PIGU: variants seen among roughly 807,000 people sequenced by gnomAD.
The protein encoded by PIGU is GPI-anchor transamidase component PIGU.
In PIGU, 24 loss-of-function variants were observed where a neutral mutation model predicts 49.9. The ratio of observed to expected loss-of-function variants is 0.48; its 90% CI spans 0.35 to 0.68. The LOEUF is 0.68. Ranked by LOEUF, PIGU falls within the 30% of genes least tolerant of loss-of-function variation. PIGU has a pLI of 0.01. For synonymous variants in PIGU, 220 were observed against 205.7 expected (o/e 1.07, Z -0.59); for missense variants, 490 against 532.6 (o/e 0.92, Z 0.79).
intron 7 of PIGU, among the ~76,000 whole-genome samples, chr20:34,604,131 G>A (rs1202601701): frequency 6.6e-6 from 1 of 152,100 alleles, no homozygotes; most frequent in Non-Finnish European, 1.5e-5. Context: ...TGATCCAAGG[G>A]TTATGTGCAC....
intron 2 of PIGU, among the ~76,000 whole-genome samples, chr20:34,650,729 TTTG>T: frequency 1.0e-5 from 1 of 99,902 alleles, no homozygotes; most frequent in Non-Finnish European, 2.0e-5. Flanking sequence ...TTTTTTTTTT[TTTG>T]AGAAGGAGTC....
At chr20:34,618,256 G>A (rs1418823798) in intron 6 of PIGU, among the ~76,000 whole-genome samples, 1 of 152,044 alleles carries the variant, frequency 6.6e-6, no homozygotes, top group Admixed American at 6.6e-5. Context: ...TTAGAAAAAA[G>A]CTAATTTCTT....
chr20:34,615,456 C>T (rs1049146357), intron 7 of PIGU, among the ~76,000 whole-genome samples: 4 of 152,162 alleles, frequency 2.6e-5, no homozygotes, highest in Non-Finnish European at 5.9e-5. Context: ...AAGATAGTTG[C>T]GTTTGCAAAT....
chr20:34,585,770 A>G (rs1442945184), intron 8 of PIGU, among the ~76,000 whole-genome samples, 190 bp from the exon 9 acceptor site: 1 of 152,206 alleles, frequency 6.6e-6, no homozygotes, highest in Non-Finnish European at 1.5e-5. Context: ...GAGCAGAGAC[A>G]TATAATGATA....
At chr20:34,659,204 G>T (rs550910152) in intron 1 of PIGU, among the ~76,000 whole-genome samples, 2 of 140,266 alleles carry the variant, frequency 1.4e-5, no homozygotes, top group Non-Finnish European at 1.6e-5. Flanking sequence ...GAGGGAGGTG[G>T]GGGGGTCAGC....
At chr20:34,630,697 A>G (rs1175826793) in intron 6 of PIGU, among the ~76,000 whole-genome samples, 2 of 152,136 alleles carry the variant, frequency 1.3e-5, no homozygotes, top group Non-Finnish European at 2.9e-5. Context: ...CCCAAGCTGG[A>G]GTACAGTGGC....
Position 34,616,104 on chromosome 20 carries a change from C to T in PIGU, c.565G>A (p.Ala189Thr), listed in dbSNP as rs369387345. The T allele has an allele frequency of 8.1e-6, 13 of 1,612,778 alleles. No individual in the cohort carries two copies. Among genetic ancestry groups the T allele is most frequent in the Non-Finnish European group, 1.1e-5 (13 of 1,179,566 alleles). ...AGTGGGTACAGAGACTGGTATGTCGCTAAGGCAAGAAAAATAGCACTGAGG... is the reference window on the plus strand; with the variant it reads ...AGTGGGTACAGAGACTGGTATGTCGTTAAGGCAAGAAAAATAGCACTGAGG... ...AFLSAIFLALATYQSLYPLTL... is the reference protein window; with the variant it reads ...AFLSAIFLALTTYQSLYPLTL... The change falls in exon 7 of 12, where the codon GCG becomes ACG. Residue 189 changes from alanine (A) to threonine (T), a missense_variant. By Grantham distance (58) the Ala-to-Thr change is moderately conservative (BLOSUM62 0). Coordinates refer to ENST00000217446, the MANE Select transcript of PIGU (RefSeq NM_080476.5).
chr20:34,581,085 T>G (rs1270296508), intron 10 of PIGU, among the ~76,000 whole-genome samples: 1 of 152,178 alleles, frequency 6.6e-6, no homozygotes, highest in East Asian at 1.9e-4. Context: ...AGTTACCCTA[T>G]TGAACTGTGC....
intron 7 of PIGU, among the ~76,000 whole-genome samples, chr20:34,601,320 A>G (rs1984416492): frequency 6.6e-6 from 1 of 152,176 alleles, no homozygotes; most frequent in South Asian, 2.1e-4. Flanking sequence ...AGGGCCCTAA[A>G]ACGATAAAGT....
chr20:34,575,339 T>A, intron 10 of PIGU, 93 bp from the exon 11 acceptor site: 1 of 1,452,006 alleles, frequency 6.9e-7, no homozygotes, highest in Non-Finnish European at 9.3e-7. Flanking sequence ...AGGCCCAAGG[T>A]GAGCATCATG....
intron 11 of PIGU, chr20:34,562,274 G>T: frequency 2.9e-6 from 1 of 344,836 alleles, no homozygotes; most frequent in Non-Finnish European, 4.1e-6. Flanking sequence ...AGACACCGCA[G>T]CTCTCAGGCA....
At chr20:34,645,126 G>T in intron 3 of PIGU, 149 bp downstream of exon 3, 1 of 786,838 alleles carries the variant, frequency 1.3e-6, no homozygotes, top group Non-Finnish European at 1.8e-6. Context: ...GGCTGAAATG[G>T]GAGGACCACT....
intron 6 of PIGU, among the ~76,000 whole-genome samples, chr20:34,622,526 A>C (rs192033206): frequency 6.6e-6 from 1 of 151,276 alleles, no homozygotes; most frequent in African/African-American, 2.5e-5. Flanking sequence ...CAAAAAAAAC[A>C]AAAACAAAAA....
intron 2 of PIGU, among the ~76,000 whole-genome samples, chr20:34,648,769 G>A (rs900440036): frequency 1.3e-5 from 2 of 151,850 alleles, no homozygotes; most frequent in African/African-American, 4.8e-5. Context: ...AGCTGGTCTT[G>A]AACTCCTGGG....
intron 1 of PIGU, among the ~76,000 whole-genome samples, chr20:34,658,722 G>A (rs1158411658): frequency 9.5e-5 from 14 of 146,808 alleles, no homozygotes; most frequent in South Asian, 4.4e-4. Flanking sequence ...CCTGACAACC[G>A]CCCCGTCTGA....
At chr20:34,604,123 A>G (rs867785649) in intron 7 of PIGU, among the ~76,000 whole-genome samples, 4 of 152,206 alleles carry the variant, frequency 2.6e-5, no homozygotes, top group African/African-American at 4.8e-5. Flanking sequence ...GCCAGATGTG[A>G]TCCAAGGGTT....
intron 7 of PIGU, among the ~76,000 whole-genome samples, chr20:34,610,689 G>C (rs1181234202): frequency 6.6e-6 from 1 of 152,028 alleles, no homozygotes; most frequent in African/African-American, 2.4e-5. Context: ...TTTCTTCACA[G>C]AACTAGAAAA....
At chr20:34,639,258 G>A (rs1006544395) in intron 4 of PIGU, among the ~76,000 whole-genome samples, 8 of 152,096 alleles carry the variant, frequency 5.3e-5, no homozygotes, top group Admixed American at 5.2e-4. Flanking sequence ...AAAACTAGCT[G>A]GGCATGGTGG....
At chr20:34,658,526 G>A (rs1430575480) in intron 1 of PIGU, among the ~76,000 whole-genome samples, 1 of 151,522 alleles carries the variant, frequency 6.6e-6, no homozygotes, top group Non-Finnish European at 1.5e-5. Context: ...CTGCCCAGCC[G>A]CCATCCCATC....
Sources: gnomAD v4.1 joint callset for allele counts (sites outside exome capture counted in the v4.1 genomes callset) on GRCh38, gnomAD v4.1.1 for gene constraint, MANE v1.5 for transcripts, NCBI Gene and HGNC (gene_info 2026-07-23, HGNC 2026-07-21) for gene names.